The following RPL28 variants were observed in gnomAD, a reference collection of about 807,000 sequenced individuals.
The protein encoded by RPL28 is large ribosomal subunit protein eL28.
RPL28 carries 4 observed loss-of-function variants against 12.5 expected under a neutral mutation model. The ratio of observed to expected loss-of-function variants is 0.32; its 90% CI spans 0.16 to 0.73. The LOEUF (loss-of-function observed/expected upper bound fraction) is 0.73. Ranked by LOEUF, RPL28 falls within the 30% of genes least tolerant of loss-of-function variation. The probability of loss-of-function intolerance (pLI) is 0.66; values close to 1 mark genes in which losing one functional copy is unlikely to be tolerated. For missense variants in RPL28, 214 were observed against 197.7 expected (o/e 1.08, Z -0.49); for synonymous variants, 91 against 72.5 (o/e 1.26, Z -1.30).
intron 4 of RPL28, chr19:55,401,289 T>C: frequency 4.4e-6 from 4 of 908,300 alleles, no homozygotes; most frequent in Non-Finnish European, 6.5e-6. Flanking sequence ...AAGCTGCTTT[T>C]CCAACTTTAT....
chr19:55,402,168 C>T (rs193196253), intron 4 of RPL28, among the ~76,000 whole-genome samples: 5 of 152,340 alleles, frequency 3.3e-5, no homozygotes, highest in East Asian at 1.9e-4. Context: ...TCTGGTTCAA[C>T]GAGTGAGGCC....
At chr19:55,403,105 G>C (rs1439579110) in exon 5 of RPL28, 4 of 931,074 alleles carry the variant, frequency 4.3e-6, no homozygotes, top group Non-Finnish European at 6.7e-6. Flanking sequence ...CCACCCACTA[G>C]ATGCTAGTGG....
chr19:55,399,794 G>C (rs922665091), intron 4 of RPL28: 1 of 152,184 alleles, frequency 6.6e-6, no homozygotes, highest in African/African-American at 2.4e-5. Context: ...TATTTCAGTG[G>C]GTTCCGAGGC....
chr19:55,391,482 G>A lies in RPL28; in HGVS notation c.*3150G>A, dbSNP rs1268726692. 4.3e-6 allele frequency: 6 copies of A among 1,389,524 alleles called. No homozygotes were observed. The highest frequency in any genetic ancestry group is 5.7e-6 in the Non-Finnish European group (6 of 1,059,998). The allele number at this position is 1,389,524 out of a possible 1,614,324, so 86.1% of individuals were successfully genotyped here. On this transcript the variant is annotated 3_prime_UTR_variant, in exon 5 of 5. Transcript: ENST00000344063. The stretch of plus-strand genomic sequence containing the variant: ...CTGGAAGGCTGCCAAGCCCAAAGTT[G>A]TGCAGAGCGCTGGGGACTCCAGACT...
In RPL28 at chr19:55,391,195, G is replaced by A. The variant is rs557698309; in HGVS notation, c.*2863G>A. The A allele has an allele frequency of 5.1e-5, 11 of 214,282 alleles. No individual in the cohort carries two copies. The highest frequency in any genetic ancestry group is 7.7e-5 in the Non-Finnish European group (9 of 117,212). The allele number at this position is 214,282 out of a possible 1,614,324, so 13.3% of individuals were successfully genotyped here. On this transcript the variant is annotated 3_prime_UTR_variant, in exon 5 of 5. Coordinates refer to ENST00000344063, the MANE Select transcript of RPL28 (RefSeq NM_000991.5). The stretch of plus-strand genomic sequence containing the variant: ...CATCCTATCCCCAAGAGTGATGCCC[G>A]GCAGCATTCCCAGCTCAGGGCTAAT...
rs1433605844 is a variant in RPL28 at position 55,402,894 on chromosome 19, T to C, written c.325-49T>C. 4 of 1,476,028 alleles carry C rather than the reference T, an allele frequency of 2.7e-6. No homozygotes were observed. The Admixed American group carries it at 6.5e-5, about 24-fold the overall frequency. 91.4% of individuals were successfully genotyped at this position (1,476,028 alleles called of 1,614,324 possible). A position where few individuals can be genotyped will look rare whatever the true frequency, so the allele number is the denominator to read the frequency against. On this transcript the variant is annotated intron_variant, in intron 4 of 4. Coordinates refer to the RPL28 transcript ENST00000560055. ...CCCCAATTCCCCACCCTCTCTGCCA[T>C]GTGCCCCAGGGACTCATTAGAAATT...
At position 55,389,247 on chromosome 19, in the gene RPL28, G is replaced by GTT. The variant is rs1416492965; in HGVS notation, c.*916_*917dup. ...CGCCTGTGGTCCCAGCTCCTCAGAG[G>GTT]TTGAGTAGAGGCTGAGGTGAGCGGA... On this transcript the variant is annotated 3_prime_UTR_variant, in exon 5 of 5. Transcript: ENST00000344063. 1 of 911,338 alleles carries GTT rather than the reference G, an allele frequency of 1.1e-6. No homozygotes were observed. Among genetic ancestry groups the GTT allele is most frequent in the Admixed American group, 6.2e-5 (1 of 16,170 alleles). 56.5% of individuals were successfully genotyped at this position (911,338 alleles called of 1,614,324 possible). A position where few individuals can be genotyped will look rare whatever the true frequency, so the allele number is the denominator to read the frequency against.
At position 55,392,014 on chromosome 19, in the gene RPL28, T is replaced by C; in HGVS notation, c.*3682T>C. 1 of 1,094,856 alleles carries C rather than the reference T, an allele frequency of 9.1e-7. No homozygotes were observed. 67.8% of individuals were successfully genotyped at this position (1,094,856 alleles called of 1,614,324 possible). A position where few individuals can be genotyped will look rare whatever the true frequency, so the allele number is the denominator to read the frequency against. ...ATTTCCAGCCCAGGCTGTTTGGCGC[T>C]GCCCAGGAATGGTATCAATTCCCCT... On this transcript the variant is annotated 3_prime_UTR_variant, in exon 5 of 5. Coordinates refer to ENST00000344063, the MANE Select transcript of RPL28 (RefSeq NM_000991.5).
At position 55,390,058 on chromosome 19, in the gene RPL28, G is replaced by A; in HGVS notation, c.*1726G>A. On this transcript the variant is annotated 3_prime_UTR_variant, in exon 5 of 5. Transcript: ENST00000344063. Reference sequence around the variant, plus strand: ...CAGTTGTCCTCCACAGCACTGATTTGCAGCCCACAAGCTGGCAGGTTTATC... The same window carrying A: ...CAGTTGTCCTCCACAGCACTGATTTACAGCCCACAAGCTGGCAGGTTTATC... 1.0e-6 allele frequency: 1 copy of A among 985,518 alleles called. No individual in the cohort carries two copies. The highest frequency in any genetic ancestry group is 1.2e-6 in the Non-Finnish European group (1 of 829,982). The allele number at this position is 985,518 out of a possible 1,614,324, so 61.0% of individuals were successfully genotyped here.
chr19:55,389,186 T>C lies in RPL28; in HGVS notation c.*854T>C. The C allele has an allele frequency of 1.0e-6, 1 of 970,978 alleles. No individual in the cohort carries two copies. Among genetic ancestry groups the C allele is most frequent in the Non-Finnish European group, 1.2e-6 (1 of 816,892 alleles). The allele number at this position is 970,978 out of a possible 1,614,324, so 60.1% of individuals were successfully genotyped here. The stretch of plus-strand genomic sequence containing the variant: ...TCCTAGGCAACATAATGAGACACCG[T>C]CTCTAAAATAAAATTAGCTGGGTGT... On this transcript the variant is annotated 3_prime_UTR_variant, in exon 5 of 5. Transcript: ENST00000344063.
rs2089976684 is a variant in RPL28, at chr19:55,390,136, C to G, written c.*1804C>G. On this transcript the variant is annotated 3_prime_UTR_variant, in exon 5 of 5. Coordinates refer to ENST00000344063, the MANE Select transcript of RPL28 (RefSeq NM_000991.5). ...GCAAGGGGTTTGTCTAGCACACCAG[C>G]ATATAATGAGATGCTTGATGAATGG... The G allele has an allele frequency of 1.0e-6, 1 of 985,280 alleles. No homozygotes were observed. The highest frequency in any genetic ancestry group is 1.7e-5 in the African/African-American group (1 of 57,180). 61.0% of individuals were successfully genotyped at this position (985,280 alleles called of 1,614,324 possible).
intron 4 of RPL28, chr19:55,401,640 G>A (rs751915967): frequency 1.5e-5 from 24 of 1,607,510 alleles, no homozygotes; most frequent in East Asian, 8.9e-5. Context: ...CGGCGCCCCC[G>A]TGGATCTCTG....
At position 55,388,372 on chromosome 19, in the gene RPL28, C is replaced by T. The variant is rs2089957135; in HGVS notation, c.*40C>T. 6.9e-7 allele frequency: 1 copy of T among 1,444,984 alleles called. No individual in the cohort carries two copies. The highest frequency in any genetic ancestry group is 9.1e-7 in the Non-Finnish European group (1 of 1,096,396). 89.5% of individuals were successfully genotyped at this position (1,444,984 alleles called of 1,614,324 possible). ...GAGCAATAAAGTCAGCTGGCTTTCT[C>T]ACCTGCCTCGACTGGGCCTCCCTTT... On this transcript the variant is annotated 3_prime_UTR_variant, in exon 5 of 5. Coordinates refer to ENST00000344063, the MANE Select transcript of RPL28 (RefSeq NM_000991.5).
Position 55,401,052 on chromosome 19 carries a change from C to T in RPL28, c.325-1891C>T, listed in dbSNP as rs571927623. 8.8e-5 allele frequency: 21 copies of T among 238,498 alleles called. No individual in the cohort carries two copies. The East Asian group carries it at 1.3e-3, about 14-fold the overall frequency. 14.8% of individuals were successfully genotyped at this position (238,498 alleles called of 1,614,324 possible). A position where few individuals can be genotyped will look rare whatever the true frequency, so the allele number is the denominator to read the frequency against. ...GCCACCAGGAGCAGCTCCAGGTCCT[C>T]GCCCCATTTTAGATTGGAAATCTGA... is the stretch of plus-strand genomic sequence containing the variant. On this transcript the variant is annotated intron_variant, in intron 4 of 4. Transcript: ENST00000560055.
In RPL28 at chr19:55,388,972, G is replaced by A. The variant is rs977586098; in HGVS notation, c.*640G>A. 1.6e-5 allele frequency: 16 copies of A among 985,426 alleles called. No individual in the cohort carries two copies. The highest frequency in any genetic ancestry group is 5.2e-4 in the Middle Eastern group (1 of 1,916). The allele number at this position is 985,426 out of a possible 1,614,324, so 61.0% of individuals were successfully genotyped here. A position where few individuals can be genotyped will look rare whatever the true frequency, so the allele number is the denominator to read the frequency against. On this transcript the variant is annotated 3_prime_UTR_variant, in exon 5 of 5. Coordinates refer to ENST00000344063, the MANE Select transcript of RPL28 (RefSeq NM_000991.5). Reference sequence around the variant, plus strand: ...GCCTTAGCATTGTCCCCCTACTCCCGTCCTCCAGGTGTCCCCATCCCTCCC... The same window carrying A: ...GCCTTAGCATTGTCCCCCTACTCCCATCCTCCAGGTGTCCCCATCCCTCCC...
downstream of RPL28, among the ~76,000 whole-genome samples, chr19:55,396,487 CCTCCCCA>C: frequency 1.8e-4 from 1 of 5,562 alleles, no homozygotes; most frequent in African/African-American, 1.1e-3. Flanking sequence ...TCCCCCCTCC[CCTCCCCA>C]CCCCTCCCCT....
At chr19:55,392,728 A>C (rs2089999432), downstream of RPL28, among the ~76,000 whole-genome samples, 1 of 151,328 alleles carries the variant, frequency 6.6e-6, no homozygotes, top group South Asian at 2.1e-4. Flanking sequence ...ACGGGGTTTC[A>C]CCGTGTTAGC....
chr19:55,398,801 A>G (rs74333627), intron 4 of RPL28, among the ~76,000 whole-genome samples: 2,970 of 148,170 alleles, frequency 0.02, 95 homozygotes, highest in African/African-American at 0.073. Context: ...TCCTGGGTTG[A>G]AGCAATTCTC....
rs2090061988 is a variant in RPL28 at position 55,401,852 on chromosome 19, TC to T, written c.325-1089del. On this transcript the variant is annotated intron_variant, in intron 4 of 4. Coordinates refer to the RPL28 transcript ENST00000560055. Reference sequence around the variant, plus strand: ...AGAGGGTGGCCTCCGCACTGGCTGTTCCTTCTGCTCCCAACTCAGCTGCAGA... The same window carrying T: ...AGAGGGTGGCCTCCGCACTGGCTGTTCTTCTGCTCCCAACTCAGCTGCAGA... 28 of 1,362,742 alleles carry T rather than the reference TC, an allele frequency of 2.1e-5. No homozygotes were observed. The South Asian group carries it at 2.9e-4, about 14-fold the overall frequency. 84.4% of individuals were successfully genotyped at this position (1,362,742 alleles called of 1,614,324 possible). A position where few individuals can be genotyped will look rare whatever the true frequency, so the allele number is the denominator to read the frequency against.
Sources: allele counts gnomAD v4.1 joint callset (sites outside exome capture counted in the v4.1 genomes callset), GRCh38; gene constraint gnomAD v4.1.1; transcripts MANE v1.5; gene names NCBI Gene and HGNC (gene_info 2026-07-23, HGNC 2026-07-21).